The following RFX3 variants were observed in gnomAD, a reference collection of about 807,000 sequenced individuals.
RFX3 encodes transcription factor RFX3.
In RFX3, 14 loss-of-function variants were observed where a neutral mutation model predicts 98.6. That is an observed-to-expected ratio of 0.14 (90% CI 0.09 to 0.22). The LOEUF is 0.22. Among genes scored for constraint, RFX3 ranks in the 10% least tolerant of loss-of-function variants. The pLI is 1.00. For synonymous variants in RFX3, 383 were observed against 328.4 expected (o/e 1.17, Z -1.80); for missense variants, 639 against 926.9 (o/e 0.69, Z 4.03).
intron 15 of RFX3, among the ~76,000 whole-genome samples, chr9:3,243,707 T>C (rs1356063504): frequency 2.6e-5 from 4 of 152,220 alleles, no homozygotes; most frequent in Non-Finnish European, 4.4e-5. Context: ...AAGGAAAGTC[T>C]TTTTGCTTGC....
rs1587665272 is a variant in RFX3, at chr9:3,434,219, G to A, written c.-8-38623C>T. On this transcript the variant is annotated intron_variant, in intron 1 of 16. Transcript: ENST00000617270. ...TTAGTAATTATTTACTATCTGGCCT[G>A]AGTGCCTAGATCAGTGTCTGACACG... Among the ~76,000 whole-genome samples the A allele has an allele frequency of 2.6e-5, 4 of 152,186 alleles. 1 individual carries two copies. The highest frequency in any genetic ancestry group is 9.6e-5 in the African/African-American group (4 of 41,530).
At chr9:3,514,089 A>G (rs1381734261) in intron 1 of RFX3, among the ~76,000 whole-genome samples, 1 of 152,216 alleles carries the variant, frequency 6.6e-6, no homozygotes. Flanking sequence ...AACTGAAAGT[A>G]GCCTCTAAAA....
At chr9:3,237,657 C>A (rs1433207860) in intron 15 of RFX3, among the ~76,000 whole-genome samples, 1 of 152,108 alleles carries the variant, frequency 6.6e-6, no homozygotes, top group Non-Finnish European at 1.5e-5. Flanking sequence ...ACTTACCTAC[C>A]TAAATTAATC....
intron 4 of RFX3, among the ~76,000 whole-genome samples, chr9:3,315,033 A>T (rs542939057): frequency 1.1e-3 from 168 of 152,306 alleles, no homozygotes; most frequent in African/African-American, 3.9e-3. Flanking sequence ...CCTAATAGAC[A>T]TCTACAGAAC....
chr9:3,510,778 T>C (rs1017742170), intron 1 of RFX3, among the ~76,000 whole-genome samples: 2 of 152,032 alleles, frequency 1.3e-5, no homozygotes, highest in African/African-American at 4.8e-5. Context: ...ACATTTACGT[T>C]TTATTCACAT....
intron 1 of RFX3, among the ~76,000 whole-genome samples, chr9:3,504,551 T>TTGTATATAAAATATATATTATA (rs1816538543): frequency 7.5e-6 from 1 of 134,134 alleles, no homozygotes; most frequent in African/African-American, 2.9e-5. Context: ...ATGGTATATA[T>TTGTATATAAAATATATATTATA]TGCATATAAA....
At position 3,504,241 on chromosome 9, in the gene RFX3, A is replaced by C. The variant is rs910275848; in HGVS notation, c.-9+21506T>G. 2.3e-5 allele frequency among the ~76,000 whole-genome samples: 3 copies of C among 133,260 alleles called. No individual in the cohort carries two copies. In the South Asian group the frequency reaches 6.5e-4, roughly 29 times the overall value. 87.4% of individuals were successfully genotyped at this position (133,260 alleles called of 152,430 possible). A position where few individuals can be genotyped will look rare whatever the true frequency, so the allele number is the denominator to read the frequency against. ...TACTATATTATATACTATATATTAT[A>C]TATATATTTTATATATAATATATAC... On this transcript the variant is annotated intron_variant, in intron 1 of 16. Transcript: ENST00000617270.
At chr9:3,394,673 T>C (rs1228322168) in intron 2 of RFX3, 1 of 220,694 alleles carries the variant, frequency 4.5e-6, no homozygotes, top group African/African-American at 2.3e-5. Context: ...TATTTATAAT[T>C]GTAAGAGCAA....
At chr9:3,497,477 T>C (rs982340236) in intron 1 of RFX3, among the ~76,000 whole-genome samples, 5 of 151,992 alleles carry the variant, frequency 3.3e-5, no homozygotes, top group African/African-American at 1.2e-4. Context: ...AGGCAGTATT[T>C]ACATTGAACT....
chr9:3,361,518 G>A (rs1407211321), intron 2 of RFX3, among the ~76,000 whole-genome samples: 2 of 151,994 alleles, frequency 1.3e-5, no homozygotes, highest in East Asian at 1.9e-4. Context: ...TTAAAAGTAG[G>A]CACCAGGCAC....
chr9:3,261,462 G>C (rs1822881282), intron 13 of RFX3, among the ~76,000 whole-genome samples: 1 of 152,108 alleles, frequency 6.6e-6, no homozygotes, highest in African/African-American at 2.4e-5. Context: ...CTATACTGCA[G>C]AATGAATCAG....
chr9:3,504,098 T>C (rs1041842094), intron 1 of RFX3, among the ~76,000 whole-genome samples: 3 of 145,566 alleles, frequency 2.1e-5, no homozygotes, highest in African/African-American at 2.5e-5. Flanking sequence ...GATCAATACA[T>C]CTTTCTCTCT....
At chr9:3,361,751 C>A (rs1001859024) in intron 2 of RFX3, among the ~76,000 whole-genome samples, 1 of 151,404 alleles carries the variant, frequency 6.6e-6, no homozygotes, top group Non-Finnish European at 1.5e-5. Flanking sequence ...AGTTTAAGAC[C>A]AGCCTAGACA....
intron 4 of RFX3, among the ~76,000 whole-genome samples, chr9:3,311,857 C>G (rs1467097411): frequency 6.6e-6 from 1 of 152,130 alleles, no homozygotes; most frequent in Non-Finnish European, 1.5e-5. Context: ...GCAAGCCAGC[C>G]TGGGCAACAG....
At position 3,504,237 on chromosome 9, in the gene RFX3, TTA is replaced by T. The variant is rs1229206912; in HGVS notation, c.-9+21508_-9+21509del. ...TATATACTATATTATATACTATATA[TTA>T]TATATATATTTTATATATAATATAT... is the stretch of plus-strand genomic sequence containing the variant. On this transcript the variant is annotated intron_variant, in intron 1 of 16. Transcript: ENST00000617270. Among the ~76,000 whole-genome samples, 508 of 134,494 alleles carry T rather than the reference TTA, an allele frequency of 3.8e-3. 4 individuals are homozygous for T. Among genetic ancestry groups the T allele is most frequent in the African/African-American group, 5.8e-3 (206 of 35,592 alleles). 88.2% of individuals were successfully genotyped at this position (134,494 alleles called of 152,430 possible).
Position 3,222,107 on chromosome 9 carries a change from A to G in RFX3, c.*2935T>C, listed in dbSNP as rs1036999135. 1.3e-5 allele frequency: 2 copies of G among 152,124 alleles called. No individual in the cohort carries two copies. The highest frequency in any genetic ancestry group is 4.8e-5 in the African/African-American group (2 of 41,448). 9.4% of individuals were successfully genotyped at this position (152,124 alleles called of 1,614,324 possible). A position where few individuals can be genotyped will look rare whatever the true frequency, so the allele number is the denominator to read the frequency against. Reference sequence around the variant, plus strand: ...TTGCTCAAATGTATAAATTGTTTTTATTTTCTTATATATTTTTCACAATTC... The same window carrying G: ...TTGCTCAAATGTATAAATTGTTTTTGTTTTCTTATATATTTTTCACAATTC... On this transcript the variant is annotated 3_prime_UTR_variant, in exon 17 of 17. Transcript: ENST00000617270.
chr9:3,493,670 C>A (rs1439303145), intron 1 of RFX3, among the ~76,000 whole-genome samples: 2 of 107,834 alleles, frequency 1.9e-5, no homozygotes, highest in South Asian at 2.9e-4. Context: ...GGCGACAAAG[C>A]GAGACTCATC....
intron 1 of RFX3, among the ~76,000 whole-genome samples, chr9:3,491,363 A>G (rs1211202690): frequency 6.6e-6 from 1 of 152,156 alleles, no homozygotes; most frequent in Non-Finnish European, 1.5e-5. Context: ...AATTTTAACC[A>G]TATTATTACA....
At chr9:3,337,009 A>G (rs1452382381) in intron 3 of RFX3, among the ~76,000 whole-genome samples, 1 of 152,206 alleles carries the variant, frequency 6.6e-6, no homozygotes, top group African/African-American at 2.4e-5. Context: ...TAAAAGCTTA[A>G]AAGCCACTGT....
Sources: allele counts gnomAD v4.1 joint callset (sites outside exome capture counted in the v4.1 genomes callset), GRCh38; gene constraint gnomAD v4.1.1; transcripts MANE v1.5; gene names NCBI Gene and HGNC (gene_info 2026-07-23, HGNC 2026-07-21).